The following PCDHA10 variants were observed in gnomAD, a reference collection of about 807,000 sequenced individuals.
PCDHA10 encodes protocadherin alpha 10.
In PCDHA10, 45 loss-of-function variants were observed where a neutral mutation model predicts 61.2. That is an observed-to-expected ratio of 0.74 (90% CI 0.58 to 0.94). The LOEUF is 0.94. PCDHA10 is among the 40% of genes least tolerant of loss of function. The pLI, the probability that PCDHA10 is intolerant of heterozygous loss-of-function variation, is 0.00. For synonymous variants in PCDHA10, 602 were observed against 548.8 expected (o/e 1.10, Z -1.35); for missense variants, 1,278 against 1,236.2 (o/e 1.03, Z -0.51).
intron 1 of PCDHA10, among the ~76,000 whole-genome samples, chr5:140,939,358 A>C (rs1291026920): frequency 1.3e-5 from 2 of 152,172 alleles, no homozygotes; most frequent in Admixed American, 1.3e-4. Flanking sequence ...TTATGATTGC[A>C]AAGGAGGAGG....
In PCDHA10 at chr5:140,904,903, A is replaced by G. The variant is rs568713418; in HGVS notation, c.2388+46467A>G. On this transcript the variant is annotated intron_variant, in intron 1 of 3. Transcript: ENST00000307360. ...CTTTTTGATGGGATTTGTTTTTCTT[A>G]CTGATTTGTTTGACTTCCTTGTAGG... 9.4e-4 allele frequency among the ~76,000 whole-genome samples: 142 copies of G among 151,862 alleles called. 2 individuals carry two copies. The highest frequency in any genetic ancestry group is 2.9e-3 in the African/African-American group (122 of 41,438).
chr5:140,869,553 G>A (rs1554163226), intron 1 of PCDHA10: 1 of 1,614,056 alleles, frequency 6.2e-7, no homozygotes, highest in African/African-American at 1.3e-5. Flanking sequence ...AATCGGACTC[G>A]CGTTTTCCAC....
chr5:140,968,312 C>A, intron 1 of PCDHA10: 2 of 1,613,960 alleles, frequency 1.2e-6, no homozygotes, highest in Non-Finnish European at 1.7e-6. Context: ...GATTCAAGGG[C>A]TGCCAGTCAC....
At chr5:140,936,986 A>G (rs2091244455) in intron 1 of PCDHA10, among the ~76,000 whole-genome samples, 1 of 151,898 alleles carries the variant, frequency 6.6e-6, no homozygotes, top group Non-Finnish European at 1.5e-5. Context: ...GCTTGTTAAC[A>G]TTGACAATAT....
At chr5:140,928,890 CTT>C in intron 1 of PCDHA10, 1 of 1,614,182 alleles carries the variant, frequency 6.2e-7, no homozygotes, top group South Asian at 1.1e-5. Context: ...TACTTCCAGA[CTT>C]TGAAGATGTC....
chr5:140,863,773 C>T (rs1170536480), intron 1 of PCDHA10: 19 of 234,462 alleles, frequency 8.1e-5, no homozygotes, highest in African/African-American at 3.6e-4. Context: ...CCGAGGCGGG[C>T]GGATCACTCG....
In PCDHA10 at chr5:140,857,513, G is replaced by T. The variant is rs781950263; in HGVS notation, c.1465G>T (p.Val489Leu). 3 of 1,598,208 alleles carry T rather than the reference G, an allele frequency of 1.9e-6. No individual in the cohort carries two copies. In the South Asian group the frequency reaches 3.3e-5, roughly 18 times the overall value. Residue 489 changes from valine (V) to leucine (L), a missense_variant, in exon 1 of 4, where the codon GTG (valine) becomes TTG (leucine). By Grantham distance (32) the Val-to-Leu change is conservative. Transcript: ENST00000307360. ...WDADAQENAL[V>L]SYSLVERRLG... ...CGCGGACGCGCAGGAGAACGCCCTG[G>T]TGTCCTACTCTCTGGTGGAGCGGCG...
chr5:140,876,370 G>A, intron 1 of PCDHA10: 1 of 1,613,946 alleles, frequency 6.2e-7, no homozygotes, highest in Non-Finnish European at 8.5e-7. Flanking sequence ...TCCAGACACA[G>A]GTGAAATTAG....
At chr5:140,967,803 C>T (rs1042188546) in intron 1 of PCDHA10, 3 of 1,614,066 alleles carry the variant, frequency 1.9e-6, no homozygotes, top group Admixed American at 3.3e-5. Flanking sequence ...GTGCCCATGG[C>T]AGGTCACTGC....
At chr5:141,006,007 T>C (rs1554260471) in intron 3 of PCDHA10, among the ~76,000 whole-genome samples, 1 of 151,298 alleles carries the variant, frequency 6.6e-6, no homozygotes, top group African/African-American at 2.4e-5. Flanking sequence ...AGAAGGCCTG[T>C]ATGGTTGGAG....
intron 1 of PCDHA10, 192 bp downstream of exon 1, chr5:140,858,628 C>T (rs574787408): frequency 1.8e-6 from 2 of 1,091,216 alleles, no homozygotes; most frequent in South Asian, 3.4e-5. Context: ...CCCAGTGTGT[C>T]AGCCTTTGAT....
At chr5:140,928,076 A>G (rs2084914697) in intron 1 of PCDHA10, 1 of 1,614,142 alleles carries the variant, frequency 6.2e-7, no homozygotes. Context: ...GACAACTACT[A>G]CAGCCTGCTG....
intron 1 of PCDHA10, chr5:140,926,823 G>C (rs1454618329): frequency 6.7e-7 from 1 of 1,496,998 alleles, no homozygotes; most frequent in Non-Finnish European, 8.9e-7. Context: ...TGCTCTCCAG[G>C]AGTCCGGAGC....
intron 1 of PCDHA10, chr5:140,884,401 G>T (rs781854362): frequency 3.1e-6 from 5 of 1,613,996 alleles, no homozygotes; most frequent in Non-Finnish European, 4.2e-6. Flanking sequence ...CCAGCCTGTT[G>T]GTGCTCACGT....
chr5:140,993,460 T>TCACACACA (rs1554253699), intron 3 of PCDHA10, among the ~76,000 whole-genome samples: 14 of 104,506 alleles, frequency 1.3e-4, no homozygotes, highest in African/African-American at 2.4e-4. Flanking sequence ...CTTCTTTCTT[T>TCACACACA]CTCACACACA....
At chr5:140,966,568 G>A (rs2096022635) in intron 1 of PCDHA10, 1 of 499,094 alleles carries the variant, frequency 2.0e-6, no homozygotes, top group African/African-American at 2.0e-5. Flanking sequence ...CTGGAATATG[G>A]GGAGTCAGCG....
intron 1 of PCDHA10, chr5:140,927,790 G>C: frequency 6.2e-7 from 1 of 1,614,218 alleles, no homozygotes; most frequent in Non-Finnish European, 8.5e-7. Flanking sequence ...TGCTTCACTA[G>C]GTCCGCCTGA....
chr5:140,959,532 T>C (rs919329459), intron 1 of PCDHA10, among the ~76,000 whole-genome samples: 1 of 152,198 alleles, frequency 6.6e-6, no homozygotes, highest in Admixed American at 6.5e-5. Context: ...GACCATTAAT[T>C]CAGAGATGCT....
At chr5:140,991,535 A>G (rs1323346658) in intron 3 of PCDHA10, among the ~76,000 whole-genome samples, 4 of 152,244 alleles carry the variant, frequency 2.6e-5, no homozygotes, top group South Asian at 4.1e-4. Context: ...TTGCCACTAT[A>G]TAACAAGGAT....
Sources: gnomAD v4.1 joint callset for allele counts (sites outside exome capture counted in the v4.1 genomes callset) on GRCh38, gnomAD v4.1.1 for gene constraint, MANE v1.5 for transcripts, NCBI Gene and HGNC (gene_info 2026-07-23, HGNC 2026-07-21) for gene names.